Variants in PPP1R9A observed in about 807,000 individuals in gnomAD.
PPP1R9A encodes the protein protein phosphatase 1 regulatory subunit 9A.
Under a neutral mutation model 141.9 loss-of-function variants are expected in PPP1R9A, and 59 were observed. The ratio of observed to expected loss-of-function variants is 0.42; its 90% CI spans 0.34 to 0.52. PPP1R9A has a LOEUF of 0.52. Among genes scored for constraint, PPP1R9A ranks in the 20% least tolerant of loss-of-function variants. The probability of loss-of-function intolerance (pLI) is 0.10; values close to 1 mark genes in which losing one functional copy is unlikely to be tolerated. For missense variants in PPP1R9A, 1,444 were observed against 1,611.9 expected, an observed-to-expected ratio of 0.90 and a Z score of 1.78; for synonymous variants, 500 against 569.7, an observed-to-expected ratio of 0.88 and a Z score of 1.74.
At chr7:95,284,416 T>C in intron 17 of PPP1R9A, 86 bp downstream of exon 17, 1 of 1,221,282 alleles carries the variant, frequency 8.2e-7, no homozygotes, top group Non-Finnish European at 1.1e-6. Flanking sequence ...TTTAATGCTG[T>C]TTCATTGTAG....
intron 2 of PPP1R9A, among the ~76,000 whole-genome samples, chr7:94,939,260 C>G (rs148885329): frequency 6.6e-6 from 1 of 152,078 alleles, no homozygotes; most frequent in East Asian, 1.9e-4. Context: ...ATTAATATGT[C>G]AAGACACTTT....
rs562156390 is a variant in PPP1R9A, at chr7:94,973,845, G to A, written c.1395+62337G>A. Among the ~76,000 whole-genome samples, 5 of 151,576 alleles carry A rather than the reference G, an allele frequency of 3.3e-5. No individual in the cohort carries two copies. The South Asian group carries it at 6.2e-4, about 19-fold the overall frequency. On this transcript the variant is annotated intron_variant, in intron 2 of 19. Coordinates refer to ENST00000433360, the MANE Select transcript of PPP1R9A (RefSeq NM_001166160.2). ...TGATCTTTCCATCTCAGCCTCCCAA[G>A]TAGCTGGAATTACAGGCGCATGCTG... is the stretch of plus-strand genomic sequence containing the variant.
chr7:95,200,871 A>T (rs1201159402), intron 6 of PPP1R9A, among the ~76,000 whole-genome samples: 1 of 152,176 alleles, frequency 6.6e-6, no homozygotes, highest in East Asian at 1.9e-4. Flanking sequence ...GAAATGCAGC[A>T]ACTGAGGTTT....
chr7:94,979,627 G>T (rs967489947), intron 2 of PPP1R9A, among the ~76,000 whole-genome samples: 30 of 152,178 alleles, frequency 2.0e-4, no homozygotes, highest in African/African-American at 7.2e-4. Context: ...CCCCATGGAA[G>T]ATCTCTGAAT....
At chr7:95,032,329 C>A (rs1361655375) in intron 2 of PPP1R9A, among the ~76,000 whole-genome samples, 1 of 151,906 alleles carries the variant, frequency 6.6e-6, no homozygotes, top group Non-Finnish European at 1.5e-5. Flanking sequence ...AGAGAGAAAA[C>A]TTGATACTTG....
chr7:95,037,723 G>C (rs1808644595), intron 2 of PPP1R9A, among the ~76,000 whole-genome samples: 1 of 152,086 alleles, frequency 6.6e-6, no homozygotes, highest in Admixed American at 6.6e-5. Flanking sequence ...GTGTGTGCGT[G>C]CACACACGTG....
chr7:95,140,359 C>T (rs927489538), intron 4 of PPP1R9A, among the ~76,000 whole-genome samples: 3 of 152,144 alleles, frequency 2.0e-5, no homozygotes, highest in African/African-American at 7.2e-5. Flanking sequence ...AATATTTAAT[C>T]CATTAATTAA....
chr7:95,141,637 CT>C (rs36005027), intron 4 of PPP1R9A, among the ~76,000 whole-genome samples: 88,929 of 148,352 alleles, frequency 0.6, 26,886 homozygotes, highest in African/African-American at 0.72. Context: ...TTGTGACTGG[CT>C]TTTTTTTTTT....
intron 2 of PPP1R9A, among the ~76,000 whole-genome samples, chr7:95,038,020 GA>G (rs1808693972): frequency 6.6e-6 from 1 of 151,904 alleles, no homozygotes; most frequent in Non-Finnish European, 1.5e-5. Context: ...GCTGAGGTAG[GA>G]AGATTGCTTG....
chr7:94,954,861 G>A (rs866226916), intron 2 of PPP1R9A, among the ~76,000 whole-genome samples: 19 of 139,196 alleles, frequency 1.4e-4, no homozygotes, highest in African/African-American at 5.1e-4. Context: ...GTGTGTGTGT[G>A]TGTATATGTA....
At chr7:94,913,147 A>AT (rs1049099607) in intron 2 of PPP1R9A, among the ~76,000 whole-genome samples, 7 of 152,140 alleles carry the variant, frequency 4.6e-5, no homozygotes, top group African/African-American at 1.7e-4. Flanking sequence ...GCTTATGAAA[A>AT]TTTATCAAGT....
At chr7:95,065,203 C>T (rs1812785557) in intron 2 of PPP1R9A, among the ~76,000 whole-genome samples, 1 of 152,096 alleles carries the variant, frequency 6.6e-6, no homozygotes, top group African/African-American at 2.4e-5. Flanking sequence ...GTAGCTGTGA[C>T]TACAGGTGTG....
intron 2 of PPP1R9A, among the ~76,000 whole-genome samples, chr7:95,005,424 A>C (rs967052733): frequency 6.6e-6 from 1 of 152,180 alleles, no homozygotes; most frequent in Non-Finnish European, 1.5e-5. Context: ...TAAACTTTTT[A>C]AAAAAGTTTA....
Position 94,910,450 on chromosome 7 carries a change from G to C in PPP1R9A, c.337G>C (p.Val113Leu). Residue 113 changes from valine to leucine, a missense_variant, in exon 2 of 20, where the codon GTT becomes CTT. Val to Leu is a conservative substitution (Grantham distance 32). Coordinates refer to ENST00000433360, the MANE Select transcript of PPP1R9A (RefSeq NM_001166160.2). This position sits in a 1 kb window ranked among gnomAD's most constrained non-coding sequence, Gnocchi z 4.5. The stretch of plus-strand genomic sequence containing the variant: ...ATTTCTGGAAAAAACAGATGGCTCA[G>C]TTGTTAAGTTGGAGTCTTCTGTTTC... Reference protein sequence around the residue: ...KEFLEKTDGSVVKLESSVSER... With the variant: ...KEFLEKTDGSLVKLESSVSER... The C allele has an allele frequency of 6.2e-7, 1 of 1,614,190 alleles. No individual in the cohort carries two copies. The highest frequency in any genetic ancestry group is 8.5e-7 in the Non-Finnish European group (1 of 1,180,030).
chr7:95,250,314 A>G lies in PPP1R9A; in HGVS notation c.2396+59A>G, dbSNP rs932371411. ...GTTTGTCTAAAGAAGGTTTATGTCC[A>G]ATAATTTTGTAATATCTAGTGGAAC... is the stretch of plus-strand genomic sequence containing the variant. On this transcript the variant is annotated intron_variant, in intron 10 of 19. Coordinates refer to ENST00000433360, the MANE Select transcript of PPP1R9A (RefSeq NM_001166160.2). 6.3e-6 allele frequency: 9 copies of G among 1,418,582 alleles called. No individual in the cohort carries two copies. In the African/African-American group the frequency reaches 7.2e-5, roughly 11 times the overall value. The allele number at this position is 1,418,582 out of a possible 1,614,324, so 87.9% of individuals were successfully genotyped here. A position where few individuals can be genotyped will look rare whatever the true frequency, so the allele number is the denominator to read the frequency against.
chr7:94,969,948 AG>A (rs1798675281), intron 2 of PPP1R9A, among the ~76,000 whole-genome samples: 1 of 152,002 alleles, frequency 6.6e-6, no homozygotes, highest in Admixed American at 6.6e-5. Flanking sequence ...TTACACTGTG[AG>A]GGGGAGAACC....
At chr7:94,946,517 G>A (rs1466307549) in intron 2 of PPP1R9A, among the ~76,000 whole-genome samples, 1 of 151,934 alleles carries the variant, frequency 6.6e-6, no homozygotes, top group Non-Finnish European at 1.5e-5. Flanking sequence ...ATGTGTCTAG[G>A]TGGTCTCACT....
chr7:95,245,348 C>T (rs1797980564), intron 8 of PPP1R9A, among the ~76,000 whole-genome samples: 1 of 152,136 alleles, frequency 6.6e-6, no homozygotes, highest in South Asian at 2.1e-4. Context: ...TCCTTATTTT[C>T]TAAGGAAAGT....
chr7:95,011,791 A>G (rs898896175), intron 2 of PPP1R9A, among the ~76,000 whole-genome samples: 1 of 152,150 alleles, frequency 6.6e-6, no homozygotes, highest in Non-Finnish European at 1.5e-5. Flanking sequence ...CACAAAATAA[A>G]TTTTTAGGGC....
Sources: allele counts gnomAD v4.1 joint callset (sites outside exome capture counted in the v4.1 genomes callset), GRCh38; gene constraint gnomAD v4.1.1; non-coding constraint Gnocchi (gnomAD v3.1); transcripts MANE v1.5; gene names NCBI Gene and HGNC (gene_info 2026-07-23, HGNC 2026-07-21).